SEC23A: variants seen among roughly 807,000 people sequenced by gnomAD.
SEC23A encodes protein transport protein Sec23A.
A neutral mutation model predicts 103.7 loss-of-function variants in SEC23A; 56 were observed. The ratio of observed to expected loss-of-function variants is 0.54; its 90% CI spans 0.44 to 0.67. SEC23A has a LOEUF of 0.67. Ranked by LOEUF, SEC23A falls within the 30% of genes least tolerant of loss-of-function variation. The pLI is 0.00. For synonymous variants in SEC23A, 281 were observed against 293.0 expected (o/e 0.96, Z 0.42); for missense variants, 784 against 936.4 (o/e 0.84, Z 2.12).
intron 2 of SEC23A, chr14:39,094,753 C>A: frequency 2.3e-6 from 1 of 443,510 alleles, no homozygotes; most frequent in Non-Finnish European, 4.0e-6. Context: ...GCTACTATAC[C>A]ATTGTCAAGG....
At chr14:39,039,008 C>A in intron 19 of SEC23A, 23 bp downstream of exon 19, 1 of 1,576,544 alleles carries the variant, frequency 6.3e-7, no homozygotes, top group Non-Finnish European at 8.7e-7. Flanking sequence ...AAATAATTTC[C>A]AAGACCTGCT....
chr14:39,046,007 C>T (rs914442871), intron 15 of SEC23A, among the ~76,000 whole-genome samples: 49 of 152,226 alleles, frequency 3.2e-4, no homozygotes, highest in African/African-American at 1.1e-3. Context: ...GGGCAGTTTC[C>T]CCCATACTGT....
chr14:39,089,727 A>G (rs1887591495), intron 5 of SEC23A, among the ~76,000 whole-genome samples: 1 of 152,144 alleles, frequency 6.6e-6, no homozygotes, highest in Non-Finnish European at 1.5e-5. Context: ...GAGGCCGAGG[A>G]AGGTGGATAT....
At position 39,065,575 on chromosome 14, in the gene SEC23A, C is replaced by G. The variant is rs560642186; in HGVS notation, c.1228-582G>C. ...AGCTCCCACAGATTTAAGCTATTTC[C>G]TTTCATTCAAATACAAAGCATCTAC... On this transcript the variant is annotated intron_variant, in intron 10 of 19. Coordinates refer to ENST00000307712, the MANE Select transcript of SEC23A (RefSeq NM_006364.4). Among the ~76,000 whole-genome samples, 4 of 152,298 alleles carry G rather than the reference C, an allele frequency of 2.6e-5. No individual in the cohort carries two copies. In the South Asian group the frequency reaches 8.3e-4, roughly 32 times the overall value.
At chr14:39,057,582 G>C (rs1886292927) in intron 13 of SEC23A, among the ~76,000 whole-genome samples, 1 of 152,156 alleles carries the variant, frequency 6.6e-6, no homozygotes, top group South Asian at 2.1e-4. Flanking sequence ...GCCCAGGCTA[G>C]TCTCCAACTC....
At chr14:39,091,753 A>G in intron 4 of SEC23A, 40 bp from the exon 5 acceptor site, 2 of 1,323,782 alleles carry the variant, frequency 1.5e-6, no homozygotes, top group Non-Finnish European at 2.2e-6. Flanking sequence ...TATGTAGTTT[A>G]AAGCACAGCA....
chr14:39,051,757 G>A (rs1325301632), intron 14 of SEC23A, among the ~76,000 whole-genome samples: 1 of 152,050 alleles, frequency 6.6e-6, no homozygotes, highest in Non-Finnish European at 1.5e-5. Context: ...AAGGCCAGGA[G>A]TTCGAGACCA....
intron 7 of SEC23A, among the ~76,000 whole-genome samples, chr14:39,078,093 A>G (rs1410713868): frequency 6.6e-6 from 1 of 152,058 alleles, no homozygotes; most frequent in African/African-American, 2.4e-5. Flanking sequence ...GAAAAAAATA[A>G]ATAAATAACA....
chr14:39,084,674 T>C (rs1887365977), intron 7 of SEC23A, among the ~76,000 whole-genome samples: 3 of 152,176 alleles, frequency 2.0e-5, no homozygotes, highest in Admixed American at 2.0e-4. Context: ...TTTTGTTTTT[T>C]GTTTTTGTTT....
chr14:39,096,349 G>A (rs563955778), intron 1 of SEC23A, among the ~76,000 whole-genome samples: 2 of 152,106 alleles, frequency 1.3e-5, no homozygotes, highest in South Asian at 4.2e-4. Flanking sequence ...TGACCAACAC[G>A]AAGAAACCCC....
intron 1 of SEC23A, among the ~76,000 whole-genome samples, chr14:39,096,863 C>G (rs1887908624): frequency 1.3e-5 from 2 of 152,118 alleles, no homozygotes; most frequent in Admixed American, 6.6e-5. Flanking sequence ...TAACAAGTTT[C>G]CACTAAACTT....
chr14:39,055,447 A>T (rs1345628775), intron 13 of SEC23A, 151 bp from the exon 14 acceptor site: 3 of 752,930 alleles, frequency 4.0e-6, no homozygotes, highest in Non-Finnish European at 6.3e-6. Flanking sequence ...TCGCTCTGTC[A>T]CCTAGGCTGC....
chr14:39,102,489 G>C (rs1888139070), intron 1 of SEC23A, among the ~76,000 whole-genome samples: 1 of 152,166 alleles, frequency 6.6e-6, no homozygotes, highest in Non-Finnish European at 1.5e-5. Context: ...ACCAAATCGG[G>C]AAACACTACC....
intron 19 of SEC23A, among the ~76,000 whole-genome samples, chr14:39,035,877 A>C (rs1284106560): frequency 1.3e-5 from 2 of 152,188 alleles, no homozygotes; most frequent in South Asian, 4.1e-4. Context: ...ACACAAATTC[A>C]ATCATGCAAT....
intron 13 of SEC23A, among the ~76,000 whole-genome samples, chr14:39,059,860 G>A (rs73285782): frequency 0.067 from 10,178 of 152,064 alleles, 1,135 homozygotes; most frequent in African/African-American, 0.23. Flanking sequence ...TCTAATAATG[G>A]CTTCTAAAGC....
intron 18 of SEC23A, 35 bp downstream of exon 18, chr14:39,040,697 A>G: frequency 6.2e-7 from 1 of 1,613,920 alleles, no homozygotes; most frequent in Admixed American, 1.7e-5. Context: ...AAACCTAACA[A>G]CAAACAAACA....
intron 6 of SEC23A, among the ~76,000 whole-genome samples, chr14:39,086,603 C>T (rs982207241): frequency 6.6e-6 from 1 of 152,004 alleles, no homozygotes; most frequent in Non-Finnish European, 1.5e-5. Context: ...GAAACCTTAG[C>T]GGGAAAAGCT....
At chr14:39,044,384 C>T (rs1203779764) in intron 16 of SEC23A, among the ~76,000 whole-genome samples, 1 of 151,966 alleles carries the variant, frequency 6.6e-6, no homozygotes, top group Non-Finnish European at 1.5e-5. Context: ...ATATATATTT[C>T]CTAGAAAAAT....
intron 13 of SEC23A, among the ~76,000 whole-genome samples, chr14:39,058,593 C>T (rs1886334675): frequency 6.6e-6 from 1 of 152,194 alleles, no homozygotes; most frequent in South Asian, 2.1e-4. Context: ...AGGCGTGAGC[C>T]ACCGCGCCCG....
Sources: gnomAD v4.1 joint callset for allele counts (sites outside exome capture counted in the v4.1 genomes callset) on GRCh38, gnomAD v4.1.1 for gene constraint, MANE v1.5 for transcripts, NCBI Gene and HGNC (gene_info 2026-07-23, HGNC 2026-07-21) for gene names.